The following SCHIP1 variants were observed in gnomAD, a reference collection of about 807,000 sequenced individuals.
The protein encoded by SCHIP1 is schwannomin interacting protein 1, also known as schwannomin-interacting protein 1.
In SCHIP1, 8 loss-of-function variants were observed where a neutral mutation model predicts 29.7. The ratio of observed to expected loss-of-function variants is 0.27; its 90% confidence interval spans 0.16 to 0.49. The LOEUF is 0.49. Among genes scored for constraint, SCHIP1 ranks in the 20% least tolerant of loss-of-function variants. SCHIP1 has a pLI of 0.99. For synonymous variants in SCHIP1, 76 were observed against 94.9 expected, an observed-to-expected ratio of 0.80 and a Z score of 1.16; for missense variants, 193 against 294.6, an observed-to-expected ratio of 0.66 and a Z score of 2.52.
chr3:159,854,946 G>C (rs1489766451), intron 1 of SCHIP1, among the ~76,000 whole-genome samples: 1 of 152,208 alleles, frequency 6.6e-6, no homozygotes, highest in African/African-American at 2.4e-5. Context: ...GCTGACTAAA[G>C]CTACAGACAT....
the SCHIP1 span, among the ~76,000 whole-genome samples, chr3:159,828,408 CG>C: frequency 3.0e-5 from 1 of 32,930 alleles, no homozygotes; most frequent in African/African-American, 2.1e-4. Context: ...TATATATATA[CG>C]TATATATACG....
At chr3:159,571,907 T>C in the SCHIP1 span, among the ~76,000 whole-genome samples, 1 of 152,242 alleles carries the variant, frequency 6.6e-6, no homozygotes, top group South Asian at 2.1e-4. Flanking sequence ...TTCTAGTTTA[T>C]TTGTATAGAG....
chr3:159,484,314 A>G, the SCHIP1 span, among the ~76,000 whole-genome samples: 2 of 152,264 alleles, frequency 1.3e-5, no homozygotes, highest in African/African-American at 4.8e-5. Context: ...CTATATCAAT[A>G]TGACATCATT....
the SCHIP1 span, among the ~76,000 whole-genome samples, chr3:159,488,088 G>A: frequency 1.3e-5 from 2 of 151,428 alleles, no homozygotes; most frequent in Non-Finnish European, 2.9e-5. Flanking sequence ...GGCTGAACAG[G>A]CACAGAAAGA....
chr3:159,685,497 C>T, the SCHIP1 span, among the ~76,000 whole-genome samples: 2 of 152,336 alleles, frequency 1.3e-5, no homozygotes, highest in South Asian at 4.1e-4. Flanking sequence ...CAATTATTTA[C>T]AACTCTTTAA....
At chr3:159,553,670 G>T in the SCHIP1 span, among the ~76,000 whole-genome samples, 1 of 152,190 alleles carries the variant, frequency 6.6e-6, no homozygotes, top group Non-Finnish European at 1.5e-5. Flanking sequence ...GAGGGCAGTG[G>T]CATGGTCATA....
At chr3:159,472,314 C>T in the SCHIP1 span, among the ~76,000 whole-genome samples, 1 of 152,108 alleles carries the variant, frequency 6.6e-6, no homozygotes, top group Non-Finnish European at 1.5e-5. Context: ...CACACTGTGC[C>T]GCGGGCTGTC....
At chr3:159,719,961 G>A in the SCHIP1 span, among the ~76,000 whole-genome samples, 1 of 152,044 alleles carries the variant, frequency 6.6e-6, no homozygotes, top group African/African-American at 2.4e-5. Context: ...CTTCACAATA[G>A]CAAAGACTTG....
the SCHIP1 span, among the ~76,000 whole-genome samples, chr3:159,545,524 A>C: frequency 3.3e-5 from 5 of 151,502 alleles, no homozygotes; most frequent in Non-Finnish European, 7.4e-5. Context: ...CAGATGGCCT[A>C]CTGTAGGGCC....
the SCHIP1 span, chr3:159,274,516 T>C: frequency 1.4e-6 from 1 of 739,268 alleles, no homozygotes; most frequent in Admixed American, 6.3e-5. Flanking sequence ...TGAAAATAAT[T>C]AGTTTCAAAA....
the SCHIP1 span, among the ~76,000 whole-genome samples, chr3:159,609,454 C>A: frequency 2.6e-5 from 4 of 152,134 alleles, no homozygotes; most frequent in African/African-American, 4.8e-5. Flanking sequence ...TATCCAGGAT[C>A]CTTTTCTTTA....
the SCHIP1 span, among the ~76,000 whole-genome samples, chr3:159,751,096 A>AT: frequency 6.6e-6 from 1 of 152,196 alleles, no homozygotes; most frequent in Non-Finnish European, 1.5e-5. Context: ...ATGATCGAAG[A>AT]TTCACCTACA....
the SCHIP1 span, among the ~76,000 whole-genome samples, chr3:159,672,250 T>G: frequency 6.6e-6 from 1 of 152,220 alleles, no homozygotes; most frequent in Admixed American, 6.5e-5. Context: ...ATGAGTATAG[T>G]AAGTGCTTGG....
chr3:159,392,123 G>GT, the SCHIP1 span, among the ~76,000 whole-genome samples: 2 of 152,082 alleles, frequency 1.3e-5, no homozygotes, highest in East Asian at 3.9e-4. Context: ...GCACCTCAGA[G>GT]TTGGCAAACA....
chr3:159,599,781 T>C, the SCHIP1 span, among the ~76,000 whole-genome samples: 1 of 152,204 alleles, frequency 6.6e-6, no homozygotes, highest in Non-Finnish European at 1.5e-5. Flanking sequence ...TTTGAGGCTT[T>C]CTCATCCTTC....
At chr3:159,612,623 T>C in the SCHIP1 span, among the ~76,000 whole-genome samples, 1 of 152,160 alleles carries the variant, frequency 6.6e-6, no homozygotes, top group Non-Finnish European at 1.5e-5. Flanking sequence ...GGCGGGCACC[T>C]GTAATCCCAG....
chr3:159,382,839 G>C, the SCHIP1 span, among the ~76,000 whole-genome samples: 1 of 152,134 alleles, frequency 6.6e-6, no homozygotes, highest in Non-Finnish European at 1.5e-5. Flanking sequence ...GTTTTGATTT[G>C]CATTTCTATG....
chr3:159,859,804 A>G (rs949988784), intron 1 of SCHIP1, among the ~76,000 whole-genome samples: 13 of 152,352 alleles, frequency 8.5e-5, no homozygotes, highest in East Asian at 7.7e-4. Flanking sequence ...CAAAGTGCCT[A>G]TGCTAGCATC....
intron 4 of SCHIP1, 91 bp downstream of exon 5, chr3:159,887,996 G>C (rs1717125716): frequency 2.6e-6 from 4 of 1,522,824 alleles, no homozygotes; most frequent in Non-Finnish European, 3.5e-6. Context: ...ATGCAAACTT[G>C]TGTTTCTCTA....
Sources: gnomAD v4.1 joint callset for allele counts (sites outside exome capture counted in the v4.1 genomes callset) on GRCh38, gnomAD v4.1.1 for gene constraint, MANE v1.5 for transcripts, NCBI Gene and HGNC (gene_info 2026-07-23, HGNC 2026-07-21) for gene names.